Variants in SLC28A3 observed in about 807,000 individuals in gnomAD.
The protein encoded by SLC28A3 is solute carrier family 28 member 3, also known as concentrative Na(+)-nucleoside cotransporter 3.
A neutral mutation model predicts 84.2 loss-of-function variants in SLC28A3; 68 were observed. The ratio of observed to expected loss-of-function variants is 0.81; its 90% confidence interval spans 0.66 to 0.99. The LOEUF is 0.99. Among genes scored for constraint, SLC28A3 ranks in the 50% least tolerant of loss-of-function variants. The probability of loss-of-function intolerance (pLI) is 0.00; values close to 1 mark genes in which losing one functional copy is unlikely to be tolerated. For synonymous variants in SLC28A3, 267 were observed against 303.6 expected (o/e 0.88, Z 1.25); for missense variants, 712 against 841.5 (o/e 0.85, Z 1.90).
chr9:84,292,797 A>C (rs757233458), intron 9 of SLC28A3, 49 bp from the exon 10 acceptor site: 1 of 1,331,574 alleles, frequency 7.5e-7, no homozygotes, highest in Non-Finnish European at 1.0e-6. Context: ...TTGTATACCC[A>C]AAACTTCAAA....
At position 84,305,111 on chromosome 9, in the gene SLC28A3, T is replaced by C. The variant is rs1391019570; in HGVS notation, c.334+143A>G. The C allele has an allele frequency of 2.4e-5, 17 of 712,526 alleles. No individual in the cohort carries two copies. The East Asian group carries it at 4.6e-4, about 19-fold the overall frequency. 44.1% of individuals were successfully genotyped at this position (712,526 alleles called of 1,614,324 possible). A position where few individuals can be genotyped will look rare whatever the true frequency, so the allele number is the denominator to read the frequency against. On this transcript the variant is annotated intron_variant, in intron 4 of 17. Transcript: ENST00000376238. ...CCCTATAAAGGGCTTCTTGATTTAC[T>C]TCTCTACCACCCCCGATGATTCAGT...
chr9:84,362,045 A>G, the SLC28A3 span, among the ~76,000 whole-genome samples: 2 of 152,184 alleles, frequency 1.3e-5, no homozygotes, highest in Non-Finnish European at 2.9e-5. Context: ...AAAGAACCAA[A>G]TTGACTTTTC....
At chr9:84,279,793 A>T (rs1824667580) in intron 16 of SLC28A3, among the ~76,000 whole-genome samples, 182 bp downstream of exon 16, 1 of 152,242 alleles carries the variant, frequency 6.6e-6, no homozygotes, top group African/African-American at 2.4e-5. Flanking sequence ...CTGAACCCTC[A>T]TTCTGTTCTT....
intron 14 of SLC28A3, among the ~76,000 whole-genome samples, chr9:84,284,154 T>C (rs933592136): frequency 5.9e-5 from 9 of 152,302 alleles, no homozygotes; most frequent in South Asian, 2.1e-4. Context: ...CAACTGGCAA[T>C]TGGGGATAGA....
intron 14 of SLC28A3, among the ~76,000 whole-genome samples, chr9:84,283,326 G>T (rs1039177175): frequency 6.6e-6 from 1 of 152,206 alleles, no homozygotes; most frequent in African/African-American, 2.4e-5. Context: ...GATGCCATAC[G>T]TACAGGATGG....
intron 1 of SLC28A3, among the ~76,000 whole-genome samples, chr9:84,320,040 G>GCTTTTTTTTTT (rs1826311620): frequency 1.7e-5 from 1 of 59,566 alleles, no homozygotes; most frequent in African/African-American, 9.8e-5. Flanking sequence ...GGCTTGCACT[G>GCTTTTTTTTTT]TTTTTTTTTT....
intron 1 of SLC28A3, among the ~76,000 whole-genome samples, chr9:84,321,735 A>G (rs112083641): frequency 0.036 from 2,766 of 77,318 alleles, 74 homozygotes; most frequent in African/African-American, 0.2. Flanking sequence ...CTCCGTCTCA[A>G]AAAAAAAAAA....
chr9:84,333,318 A>G (rs886692458), intron 1 of SLC28A3, among the ~76,000 whole-genome samples: 3 of 152,172 alleles, frequency 2.0e-5, no homozygotes. Flanking sequence ...TGGGCAAAAC[A>G]TGGGGGAAGC....
Position 84,304,538 on chromosome 9 carries a change from A to G in SLC28A3, c.334+716T>C, listed in dbSNP as rs180794109. 8.5e-5 allele frequency among the ~76,000 whole-genome samples: 13 copies of G among 152,280 alleles called. No homozygotes were observed. In the East Asian group the frequency reaches 1.5e-3, roughly 18 times the overall value. On this transcript the variant is annotated intron_variant, in intron 4 of 17. Coordinates refer to ENST00000376238, the MANE Select transcript of SLC28A3 (RefSeq NM_001199633.2). Reference sequence around the variant, plus strand: ...AGGAGCTCTTTGTTTTGGAGGGAGTAAAAACAGGAGACATTCTTGTCCTGC... The same window carrying G: ...AGGAGCTCTTTGTTTTGGAGGGAGTGAAAACAGGAGACATTCTTGTCCTGC...
intron 1 of SLC28A3, among the ~76,000 whole-genome samples, chr9:84,338,424 A>T (rs1210057631): frequency 6.6e-6 from 1 of 152,248 alleles, no homozygotes; most frequent in Admixed American, 6.5e-5. Context: ...ATTCTCTTGA[A>T]AGACAAATTG....
chr9:84,322,203 T>G (rs879435372), intron 1 of SLC28A3, among the ~76,000 whole-genome samples: 5 of 152,248 alleles, frequency 3.3e-5, no homozygotes, highest in Admixed American at 6.5e-5. Flanking sequence ...AAATATGGCT[T>G]CAGCTCTTTA....
At chr9:84,359,793 G>A in the SLC28A3 span, among the ~76,000 whole-genome samples, 1 of 152,060 alleles carries the variant, frequency 6.6e-6, no homozygotes, top group Non-Finnish European at 1.5e-5. Flanking sequence ...TTGAGCCCAG[G>A]AGTTCGAGAC....
chr9:84,305,489 G>A, intron 3 of SLC28A3, 144 bp from the exon 4 acceptor site: 1 of 705,366 alleles, frequency 1.4e-6, no homozygotes, highest in Non-Finnish European at 2.5e-6. Context: ...ATAGAAATGG[G>A]AAACTCATTT....
Position 84,307,972 on chromosome 9 carries a change from A to G in SLC28A3, c.242+1657T>C, listed in dbSNP as rs577485035. Among the ~76,000 whole-genome samples the G allele has an allele frequency of 2.2e-3, 337 of 152,302 alleles. 1 individual carries two copies. The highest frequency in any genetic ancestry group is 7.8e-3 in the African/African-American group (323 of 41,566). ...ATTTCTCAGTACCTCCGGGTCAGAG[A>G]CTCATAAAGTAAAATGAAGGATAAA... is the stretch of plus-strand genomic sequence containing the variant. On this transcript the variant is annotated intron_variant, in intron 3 of 17. Coordinates refer to ENST00000376238, the MANE Select transcript of SLC28A3 (RefSeq NM_001199633.2).
chr9:84,318,253 G>C (rs1024609971), intron 1 of SLC28A3, among the ~76,000 whole-genome samples: 1 of 152,038 alleles, frequency 6.6e-6, no homozygotes, highest in Admixed American at 6.5e-5. Flanking sequence ...AGGAGCAGCA[G>C]TACCTGTGGC....
chr9:84,350,436 G>A, the SLC28A3 span, among the ~76,000 whole-genome samples: 2 of 145,748 alleles, frequency 1.4e-5, no homozygotes, highest in African/African-American at 5.5e-5. Flanking sequence ...AGTGAAACCA[G>A]GTCTCAAAAA....
upstream of SLC28A3, among the ~76,000 whole-genome samples, chr9:84,342,039 G>A (rs1827169994): frequency 6.8e-6 from 1 of 147,428 alleles, no homozygotes; most frequent in Non-Finnish European, 1.5e-5. Context: ...TGAGGCGGGA[G>A]AATCGCTTGA....
intron 8 of SLC28A3, among the ~76,000 whole-genome samples, chr9:84,294,710 CAT>C (rs141671062): frequency 0.1 from 15,789 of 152,186 alleles, 917 homozygotes; most frequent in African/African-American, 0.16. Flanking sequence ...GGTGCTGACA[CAT>C]AGTGCCTCCT....
chr9:84,317,240 T>A (rs1289890132), intron 1 of SLC28A3, among the ~76,000 whole-genome samples: 2 of 152,160 alleles, frequency 1.3e-5, no homozygotes, highest in African/African-American at 4.8e-5. Context: ...CACAGTAGTG[T>A]GCCTAGGAAT....
Sources: allele counts gnomAD v4.1 joint callset (sites outside exome capture counted in the v4.1 genomes callset), GRCh38; gene constraint gnomAD v4.1.1; transcripts MANE v1.5; gene names NCBI Gene and HGNC (gene_info 2026-07-23, HGNC 2026-07-21).